IGSF3: variants seen among roughly 807,000 people sequenced by gnomAD.
IGSF3 encodes immunoglobulin superfamily member 3.
A neutral mutation model predicts 114.4 loss-of-function variants in IGSF3; 23 were observed. The observed-to-expected ratio is 0.20, with a 90% confidence interval of 0.14 to 0.28. The LOEUF (loss-of-function observed/expected upper bound fraction) is 0.28. Ranked by LOEUF, IGSF3 falls within the 10% of genes least tolerant of loss-of-function variation. IGSF3 has a pLI of 1.00. For synonymous variants in IGSF3, 571 were observed against 645.2 expected, an observed-to-expected ratio of 0.88 and a Z score of 1.74; for missense variants, 1,172 against 1,591.5, an observed-to-expected ratio of 0.74 and a Z score of 4.48.
intron 6 of IGSF3, among the ~76,000 whole-genome samples, chr1:116,601,158 T>A (rs574445460): frequency 1.3e-5 from 2 of 152,232 alleles, no homozygotes; most frequent in East Asian, 1.9e-4. Context: ...CTCCACTGAA[T>A]CCCCAAAACA....
At position 116,600,468 on chromosome 1, in the gene IGSF3, T is replaced by G. The variant is rs1571142103; in HGVS notation, c.1625-123A>C. The G allele has an allele frequency of 4.0e-6, 3 of 751,106 alleles. No individual in the cohort carries two copies. The highest frequency in any genetic ancestry group is 4.3e-6 in the Non-Finnish European group (2 of 464,890). 46.5% of individuals were successfully genotyped at this position (751,106 alleles called of 1,614,324 possible). On this transcript the variant is annotated intron_variant, in intron 6 of 10. Coordinates refer to ENST00000369486, the MANE Select transcript of IGSF3 (RefSeq NM_001007237.3). This position sits in a 1 kb window ranked among gnomAD's most constrained non-coding sequence, Gnocchi z 5.5. Reference sequence around the variant, plus strand: ...GGGACAGAGGCTCTCGGAGCCCCTTTTGAGCTCTCAGGCTAGTGTTGCTTT... The same window carrying G: ...GGGACAGAGGCTCTCGGAGCCCCTTGTGAGCTCTCAGGCTAGTGTTGCTTT...
chr1:116,667,341 T>A (rs1303798856), intron 1 of IGSF3, among the ~76,000 whole-genome samples: 3 of 151,974 alleles, frequency 2.0e-5, no homozygotes, highest in Non-Finnish European at 4.4e-5. Context: ...GCGTCCCAGG[T>A]GGCCCCGCTA....
In IGSF3 at chr1:116,585,509, GC is replaced by G. The variant is rs923384194; in HGVS notation, c.2441-458del. On this transcript the variant is annotated intron_variant, in intron 8 of 10. Transcript: ENST00000369486. The surrounding 1 kb of genome is among the most constrained non-coding windows in gnomAD (Gnocchi z 4.9). Reference sequence around the variant, plus strand: ...CTGGGCCACCAACTACAAAAGAACTGCAGGGGAAAGCCAGTTTAATCTGTTC... The same window carrying G: ...CTGGGCCACCAACTACAAAAGAACTGAGGGGAAAGCCAGTTTAATCTGTTC... Among the ~76,000 whole-genome samples, 2 of 152,236 alleles carry G rather than the reference GC, an allele frequency of 1.3e-5. No homozygotes were observed. The highest frequency in any genetic ancestry group is 4.8e-5 in the African/African-American group (2 of 41,466).
chr1:116,591,629 C>T (rs4472785), intron 7 of IGSF3, among the ~76,000 whole-genome samples: 3 of 152,124 alleles, frequency 2.0e-5, no homozygotes, highest in East Asian at 1.9e-4. Flanking sequence ...ATTTGGTGCA[C>T]GTCTGACAGG....
In IGSF3 at chr1:116,584,777, G is replaced by C; in HGVS notation, c.2716C>G (p.Gln906Glu). The change falls in exon 9 of 11, where the codon CAG (glutamine) becomes GAG (glutamate). Residue 906 changes from glutamine to glutamate, a missense_variant. Physicochemically the swap from Gln to Glu is conservative, Grantham distance 29. This residue lies in a region of IGSF3 where 423 missense variants were observed against 509.8 expected (regional missense o/e 0.83). Transcript: ENST00000369486. The surrounding 1 kb of genome is among the most constrained non-coding windows in gnomAD (Gnocchi z 5.8). The part of the protein sequence containing the change: ...PSPGVYRLFI[Q>E]NVAVQDSGTY... Reference sequence around the variant, plus strand: ...CCGCTGTCCTGCACAGCCACGTTCTGGATGAAGAGACGGTACACGCCGGGG... The same window carrying C: ...CCGCTGTCCTGCACAGCCACGTTCTCGATGAAGAGACGGTACACGCCGGGG... 6.2e-7 allele frequency: 1 copy of C among 1,614,240 alleles called. No individual in the cohort carries two copies. The highest frequency in any genetic ancestry group is 8.5e-7 in the Non-Finnish European group (1 of 1,180,046).
intron 2 of IGSF3, among the ~76,000 whole-genome samples, chr1:116,631,552 G>A (rs986772320): frequency 1.3e-5 from 2 of 152,298 alleles, no homozygotes; most frequent in African/African-American, 4.8e-5. Context: ...CACTGGGAGT[G>A]AAAGGGGGTG....
At position 116,608,236 on chromosome 1, in the gene IGSF3, G is replaced by A. The variant is rs182396416; in HGVS notation, c.928C>T (p.Pro310Ser). 6.5e-5 allele frequency: 104 copies of A among 1,609,488 alleles called. No homozygotes were observed. Among genetic ancestry groups the A allele is most frequent in the African/African-American group, 4.7e-4 (35 of 74,894 alleles). The change falls in exon 5 of 11, where the codon CCC (proline) becomes TCC (serine). Residue 310 changes from proline to serine, a missense_variant. By Grantham distance (74) the Pro-to-Ser change is moderately conservative. Coordinates refer to ENST00000369486, the MANE Select transcript of IGSF3 (RefSeq NM_001007237.3). ...FRCILEAQNV[P>S]DRYFAVSWAF... Reference sequence around the variant, plus strand: ...CAGGAGACAGCAAAGTAACGGTCGGGAACATTCTGAGCCTCCAGGATGCAT... The same window carrying A: ...CAGGAGACAGCAAAGTAACGGTCGGAAACATTCTGAGCCTCCAGGATGCAT...
In IGSF3 at chr1:116,636,232, T is replaced by C. The variant is rs570930983; in HGVS notation, c.44-19775A>G. ...TCTACCATTCCTTCCCTGATCAAAG[T>C]TGCTTTCACAGGCATCTGTTCAGCT... On this transcript the variant is annotated intron_variant, in intron 2 of 10. Coordinates refer to ENST00000369486, the MANE Select transcript of IGSF3 (RefSeq NM_001007237.3). The surrounding 1 kb of genome is among the most constrained non-coding windows in gnomAD (Gnocchi z 4.5). 6.6e-6 allele frequency among the ~76,000 whole-genome samples: 1 copy of C among 152,338 alleles called. No individual in the cohort carries two copies. Among genetic ancestry groups the C allele is most frequent in the Admixed American group, 6.5e-5 (1 of 15,300 alleles).
intron 2 of IGSF3, among the ~76,000 whole-genome samples, chr1:116,641,820 T>A (rs1030232682): frequency 5.3e-5 from 8 of 151,926 alleles, no homozygotes; most frequent in African/African-American, 1.9e-4. Context: ...TACAACACTG[T>A]AGCACCTAAT....
In IGSF3 at chr1:116,644,689, C is replaced by T. The variant is rs566287176; in HGVS notation, c.43+21595G>A. ...AAAGGAGGGTGTGTGTGGCGATCAG[C>T]CATCAGAGGAGGCGGCCCTGTGTGA... is the stretch of plus-strand genomic sequence containing the variant. On this transcript the variant is annotated intron_variant, in intron 2 of 10. Coordinates refer to ENST00000369486, the MANE Select transcript of IGSF3 (RefSeq NM_001007237.3). The surrounding 1 kb of genome is among the most constrained non-coding windows in gnomAD (Gnocchi z 5.6). Among the ~76,000 whole-genome samples, 1 of 152,284 alleles carries T rather than the reference C, an allele frequency of 6.6e-6. No homozygotes were observed. Among genetic ancestry groups the T allele is most frequent in the East Asian group, 1.9e-4 (1 of 5,182 alleles).
In IGSF3 at chr1:116,632,997, G is replaced by A. The variant is rs746748827; in HGVS notation, c.44-16540C>T. Among the ~76,000 whole-genome samples, 7 of 152,202 alleles carry A rather than the reference G, an allele frequency of 4.6e-5. No homozygotes were observed. The highest frequency in any genetic ancestry group is 1.3e-4 in the Admixed American group (2 of 15,284). ...CCTGCCAGGCTCATTGTAAAGTGAC[G>A]AATTTTGTGGACACTTACAGAGAAA... On this transcript the variant is annotated intron_variant, in intron 2 of 10. Transcript: ENST00000369486. This position sits in a 1 kb window ranked among gnomAD's most constrained non-coding sequence, Gnocchi z 5.1.
chr1:116,613,754 G>A lies in IGSF3; in HGVS notation c.832+11C>T, dbSNP rs554096378. ...AGTAAAGGACAGGACAAGAGGCTCA[G>A]AGGGACTGACCAGTTGGCTGGACGT... On this transcript the variant is annotated intron_variant, in intron 4 of 10. Transcript: ENST00000369486. The A allele has an allele frequency of 2.4e-5, 39 of 1,610,974 alleles. No individual in the cohort carries two copies. The Admixed American group carries it at 4.5e-4, about 19-fold the overall frequency.
At chr1:116,645,177 A>T (rs560740456) in intron 2 of IGSF3, among the ~76,000 whole-genome samples, 1 of 152,384 alleles carries the variant, frequency 6.6e-6, no homozygotes, top group African/African-American at 2.4e-5. Flanking sequence ...CTCAGCAATA[A>T]AAAGGCGTGA....
rs137861270 is a variant in IGSF3, at chr1:116,585,648, A to G, written c.2441-596T>C. Among the ~76,000 whole-genome samples the G allele has an allele frequency of 1.8e-3, 277 of 152,280 alleles. 1 individual carries two copies. Among genetic ancestry groups the G allele is most frequent in the African/African-American group, 6.6e-3 (273 of 41,566 alleles). On this transcript the variant is annotated intron_variant, in intron 8 of 10. Coordinates refer to ENST00000369486, the MANE Select transcript of IGSF3 (RefSeq NM_001007237.3). This position sits in a 1 kb window ranked among gnomAD's most constrained non-coding sequence, Gnocchi z 4.9. ...ATCAGTAAAGAAAAGACTGCCAGAC[A>G]AGGTGGCTCACGCCTGTAATCCCAG... is the stretch of plus-strand genomic sequence containing the variant.
In IGSF3 at chr1:116,600,184, C is replaced by A. The variant is rs143714659; in HGVS notation, c.1786G>T (p.Val596Leu). The A allele has an allele frequency of 1.9e-6, 3 of 1,614,014 alleles. No individual in the cohort carries two copies. Among genetic ancestry groups the A allele is most frequent in the East Asian group, 2.2e-5 (1 of 44,890 alleles). ...ACCCCTCCGTCCCGGGTGAAGGTCA[C>A]CAAGTCATGGAACTCCACCGTGCCC... is the stretch of plus-strand genomic sequence containing the variant. ...PVGTVEFHDL[V>L]TFTRDGGVQW... The change falls in exon 7 of 11, where the codon GTG (valine) becomes TTG (leucine). Residue 596 changes from valine to leucine, a missense_variant. By Grantham distance (32) the Val-to-Leu change is conservative. This residue lies in a region of IGSF3 where 736 missense variants were observed against 1,042.0 expected (regional missense o/e 0.71). Transcript: ENST00000369486. This position sits in a 1 kb window ranked among gnomAD's most constrained non-coding sequence, Gnocchi z 5.5.
intron 6 of IGSF3, among the ~76,000 whole-genome samples, chr1:116,602,926 T>A (rs1363196282): frequency 6.6e-6 from 1 of 152,220 alleles, no homozygotes; most frequent in Non-Finnish European, 1.5e-5. Context: ...AGGTATCTTT[T>A]CATTCCACGC....
At chr1:116,581,345 T>C (rs1659594934) in intron 9 of IGSF3, among the ~76,000 whole-genome samples, 1 of 144,346 alleles carries the variant, frequency 6.9e-6, no homozygotes, top group Non-Finnish European at 1.5e-5. Flanking sequence ...TTTTTTTTTT[T>C]GGCTCACTGT....
At chr1:116,590,420 T>C (rs1328859965) in intron 7 of IGSF3, among the ~76,000 whole-genome samples, 2 of 151,158 alleles carry the variant, frequency 1.3e-5, no homozygotes, top group Non-Finnish European at 2.9e-5. Flanking sequence ...AGGGAACTAA[T>C]AGTACAAGAA....
rs928774363 is a variant in IGSF3, at chr1:116,662,504, G to A, written c.43+3780C>T. Among the ~76,000 whole-genome samples the A allele has an allele frequency of 2.6e-5, 4 of 152,186 alleles. No individual in the cohort carries two copies. The highest frequency in any genetic ancestry group is 6.5e-5 in the Admixed American group (1 of 15,284). On this transcript the variant is annotated intron_variant, in intron 2 of 10. Coordinates refer to ENST00000369486, the MANE Select transcript of IGSF3 (RefSeq NM_001007237.3). This position sits in a 1 kb window ranked among gnomAD's most constrained non-coding sequence, Gnocchi z 4.3. ...GGGTCACAGTAAGGGCTAGAGTTAGGAGAGCTGGTATTACTGCCATTATGG... is the reference window on the plus strand; with the variant it reads ...GGGTCACAGTAAGGGCTAGAGTTAGAAGAGCTGGTATTACTGCCATTATGG...
Sources: allele counts gnomAD v4.1 joint callset (sites outside exome capture counted in the v4.1 genomes callset), GRCh38; gene constraint gnomAD v4.1.1; regional missense constraint gnomAD v4.1.1; non-coding constraint Gnocchi (gnomAD v3.1); transcripts MANE v1.5; gene names NCBI Gene and HGNC (gene_info 2026-07-23, HGNC 2026-07-21).